The following ACTR3C variants were observed in gnomAD, a reference collection of about 807,000 sequenced individuals.
ACTR3C encodes the protein actin-related protein 3C.
ACTR3C carries 18 observed loss-of-function variants against 26.3 expected under a neutral mutation model. The ratio of observed to expected loss-of-function variants is 0.68; its 90% CI spans 0.47 to 1.01. The LOEUF is 1.01. Ranked by LOEUF, ACTR3C falls within the 50% of genes least tolerant of loss-of-function variation. The pLI is 0.00. For missense variants in ACTR3C, 184 were observed against 250.7 expected (o/e 0.73, Z 1.80); for synonymous variants, 55 against 94.5 (o/e 0.58, Z 2.42).
rs1166334617 is a variant in ACTR3C, at chr7:150,286,347, C to CA, written c.471+19dup. ...TCGCTCCATCCCACACTTGAGCACA[C>CA]AAAAAAAGAAACACCTTACCTCCGG... On this transcript the variant is annotated intron_variant, in intron 5 of 7. Transcript: ENST00000683684. The CA allele has an allele frequency of 2.0e-5, 32 of 1,612,304 alleles. No individual in the cohort carries two copies. The highest frequency in any genetic ancestry group is 2.5e-5 in the Non-Finnish European group (29 of 1,179,212).
chr7:149,919,461 G>A, the ACTR3C span, among the ~76,000 whole-genome samples: 101 of 152,114 alleles, frequency 6.6e-4, no homozygotes, highest in South Asian at 0.02. Context: ...GGCTGGTCTC[G>A]AACTCTGACC....
chr7:150,235,666 C>T, the ACTR3C span, among the ~76,000 whole-genome samples: 8 of 152,148 alleles, frequency 5.3e-5, no homozygotes, highest in African/African-American at 9.7e-5. Flanking sequence ...TGGGTTCATT[C>T]GGCTACCAAT....
At chr7:150,132,104 C>T in the ACTR3C span, among the ~76,000 whole-genome samples, 2 of 152,156 alleles carry the variant, frequency 1.3e-5, no homozygotes, top group Non-Finnish European at 2.9e-5. Context: ...TCCTAGTGGG[C>T]TTAGCAATGG....
At chr7:149,959,069 A>G in the ACTR3C span, among the ~76,000 whole-genome samples, 1 of 152,248 alleles carries the variant, frequency 6.6e-6, no homozygotes, top group East Asian at 1.9e-4. Flanking sequence ...ACCAACAGCC[A>G]TCCACCTGAT....
chr7:150,125,865 C>A, the ACTR3C span, among the ~76,000 whole-genome samples: 3 of 152,162 alleles, frequency 2.0e-5, no homozygotes, highest in Admixed American at 2.0e-4. Flanking sequence ...AAGAAGCCAG[C>A]GCATTAGGAA....
At chr7:149,968,206 G>C in the ACTR3C span, among the ~76,000 whole-genome samples, 1 of 152,196 alleles carries the variant, frequency 6.6e-6, no homozygotes, top group Non-Finnish European at 1.5e-5. Flanking sequence ...TGTCAGATGA[G>C]ACAACTTACT....
chr7:149,994,812 G>A, the ACTR3C span, among the ~76,000 whole-genome samples: 1 of 150,646 alleles, frequency 6.6e-6, no homozygotes, highest in Non-Finnish European at 1.5e-5. Context: ...GAAGAAGTGA[G>A]TAAGACAGTA....
chr7:150,297,851 CAAAAAAAAAAAA>C (rs35970305), intron 1 of ACTR3C, among the ~76,000 whole-genome samples: 22 of 87,144 alleles, frequency 2.5e-4, no homozygotes, highest in African/African-American at 7.0e-4. Flanking sequence ...GACTCCGTCT[CAAAAAAAAAAAA>C]AAAAAAAAAG....
At chr7:150,077,641 C>T in the ACTR3C span, among the ~76,000 whole-genome samples, 1 of 152,128 alleles carries the variant, frequency 6.6e-6, no homozygotes, top group Non-Finnish European at 1.5e-5. Context: ...GAAGGTTCTT[C>T]CTCCTGGAGG....
the ACTR3C span, among the ~76,000 whole-genome samples, chr7:150,053,139 C>T: frequency 6.8e-6 from 1 of 147,892 alleles, no homozygotes; most frequent in Non-Finnish European, 1.5e-5. Flanking sequence ...CTTCCCAAGG[C>T]TCTTAGGTTT....
chr7:150,066,389 G>C, the ACTR3C span, among the ~76,000 whole-genome samples: 1 of 152,188 alleles, frequency 6.6e-6, no homozygotes, highest in Admixed American at 6.5e-5. Flanking sequence ...AAATTCAAAG[G>C]ATTGGAACAA....
chr7:150,112,897 C>T, the ACTR3C span, among the ~76,000 whole-genome samples: 2 of 152,128 alleles, frequency 1.3e-5, no homozygotes, highest in African/African-American at 2.4e-5. Context: ...TACTGGCCGG[C>T]GACAAAGCAC....
the ACTR3C span, among the ~76,000 whole-genome samples, chr7:150,071,812 G>A: frequency 6.6e-6 from 1 of 151,560 alleles, no homozygotes; most frequent in African/African-American, 2.4e-5. Flanking sequence ...GCTGCGGGCA[G>A]CACACAGTGT....
At chr7:150,087,182 TAAA>T in the ACTR3C span, among the ~76,000 whole-genome samples, 3,498 of 129,320 alleles carry the variant, frequency 0.027, 140 homozygotes, top group African/African-American at 0.1. Flanking sequence ...TGAATTTGTT[TAAA>T]AAAAAAAAAA....
chr7:150,037,996 G>A, the ACTR3C span, among the ~76,000 whole-genome samples: 26 of 138,206 alleles, frequency 1.9e-4, 5 homozygotes, highest in Non-Finnish European at 3.5e-4. Flanking sequence ...TCCCCGCCTC[G>A]CGGGAATTGC....
the ACTR3C span, among the ~76,000 whole-genome samples, chr7:150,157,179 T>G: frequency 6.7e-6 from 1 of 150,348 alleles, no homozygotes; most frequent in Admixed American, 6.6e-5. Flanking sequence ...AACTGCAGCA[T>G]GATGTTGTCA....
chr7:150,150,000 C>T, the ACTR3C span, among the ~76,000 whole-genome samples: 286 of 152,286 alleles, frequency 1.9e-3, no homozygotes, highest in South Asian at 0.011. Context: ...ATGATTTGTA[C>T]AATGAAATGC....
intron 1 of ACTR3C, among the ~76,000 whole-genome samples, chr7:150,314,125 C>T (rs1452166592): frequency 6.6e-6 from 1 of 152,156 alleles, no homozygotes; most frequent in Non-Finnish European, 1.5e-5. Context: ...GCAGCTTGCT[C>T]ATGTGGCACT....
intron 1 of ACTR3C, among the ~76,000 whole-genome samples, chr7:150,307,797 T>C (rs1475186619): frequency 2.0e-5 from 3 of 152,154 alleles, no homozygotes; most frequent in African/African-American, 7.2e-5. Flanking sequence ...ACTTACAACC[T>C]CAGGTCCTCA....
Sources: allele counts gnomAD v4.1 joint callset (sites outside exome capture counted in the v4.1 genomes callset), GRCh38; gene constraint gnomAD v4.1.1; transcripts MANE v1.5; gene names NCBI Gene and HGNC (gene_info 2026-07-23, HGNC 2026-07-21).